Variants in CSNK1A1 observed in about 807,000 individuals in gnomAD.
CSNK1A1 encodes the protein casein kinase I isoform alpha.
Under a neutral mutation model 46.1 loss-of-function variants are expected in CSNK1A1, and 7 were observed. The ratio of observed to expected loss-of-function variants is 0.15; its 90% CI spans 0.09 to 0.29. The LOEUF (loss-of-function observed/expected upper bound fraction) is 0.29. CSNK1A1 is among the 10% of genes least tolerant of loss of function. CSNK1A1 has a pLI of 1.00. For synonymous variants in CSNK1A1, 137 were observed against 141.5 expected (o/e 0.97, Z 0.23); for missense variants, 96 against 417.1 (o/e 0.23, Z 6.71).
chr5:149,547,292 A>C (rs564885212), intron 2 of CSNK1A1, among the ~76,000 whole-genome samples: 3 of 152,310 alleles, frequency 2.0e-5, no homozygotes, highest in African/African-American at 7.2e-5. Context: ...TATAATAGGC[A>C]CCTATTACTA....
chr5:149,500,470 G>C (rs1352594059), intron 9 of CSNK1A1, among the ~76,000 whole-genome samples: 1 of 151,436 alleles, frequency 6.6e-6, no homozygotes, highest in African/African-American at 2.4e-5. Flanking sequence ...GTAAAGACAG[G>C]GTTTCACTGT....
At chr5:149,548,644 T>C (rs893461730) in intron 2 of CSNK1A1, among the ~76,000 whole-genome samples, 5 of 152,148 alleles carry the variant, frequency 3.3e-5, no homozygotes, top group South Asian at 2.1e-4. Context: ...GCAGATCACC[T>C]GAGGTCAGGA....
chr5:149,516,949 C>A (rs2113104843), intron 4 of CSNK1A1, among the ~76,000 whole-genome samples: 1 of 152,260 alleles, frequency 6.6e-6, no homozygotes, highest in Non-Finnish European at 1.5e-5. Context: ...ACTTCCTCTT[C>A]ACTGTATACT....
At chr5:149,516,643 A>T (rs1392134792) in intron 4 of CSNK1A1, among the ~76,000 whole-genome samples, 1 of 152,170 alleles carries the variant, frequency 6.6e-6, no homozygotes, top group Admixed American at 6.5e-5. Flanking sequence ...AAAATATGTG[A>T]ATGGGTAAGT....
In CSNK1A1 at chr5:149,550,854, G is replaced by A. The variant is rs2113216425; in HGVS notation, c.111C>T (p.Ile37=). The stretch of plus-strand genomic sequence containing the variant: ...CCCAGATGATTACCTCGCCGTTGGT[G>A]ATGTTGATCGCCAAATAGATGTCCC... ...SFGDIYLAIN[I]TNGEEVAVKL... is the part of the protein sequence containing the mutation. Residue 37 remains isoleucine, a synonymous_variant, in exon 1 of 10, where the codon ATC becomes ATT. Transcript: ENST00000377843. The surrounding 1 kb of genome is among the most constrained non-coding windows in gnomAD (Gnocchi z 4.3). The A allele has an allele frequency of 6.2e-7, 1 of 1,614,072 alleles. No homozygotes were observed. The highest frequency in any genetic ancestry group is 8.5e-7 in the Non-Finnish European group (1 of 1,179,958).
chr5:149,549,600 T>C (rs1405574480), intron 2 of CSNK1A1: 4 of 674,880 alleles, frequency 5.9e-6, no homozygotes, highest in African/African-American at 5.3e-5. Flanking sequence ...CGTTCCGCCA[T>C]TTTCTAAGCG....
chr5:149,511,573 T>A (rs781162066), intron 6 of CSNK1A1, among the ~76,000 whole-genome samples: 2 of 152,210 alleles, frequency 1.3e-5, no homozygotes, highest in Non-Finnish European at 2.9e-5. Flanking sequence ...GGTACCAGCT[T>A]ACTGTCTCTT....
chr5:149,545,259 T>C (rs1008237106), intron 2 of CSNK1A1: 1 of 215,308 alleles, frequency 4.6e-6, no homozygotes, highest in Non-Finnish European at 9.1e-6. Flanking sequence ...ATTTTCTTTC[T>C]TTTTTTTTCC....
chr5:149,534,413 G>A (rs1156795837), intron 2 of CSNK1A1, among the ~76,000 whole-genome samples: 1 of 149,190 alleles, frequency 6.7e-6, no homozygotes, highest in African/African-American at 2.5e-5. Context: ...GAACCCGGGA[G>A]GCGGGGGTTG....
intron 6 of CSNK1A1, among the ~76,000 whole-genome samples, chr5:149,510,657 A>T (rs1380328886): frequency 2.0e-5 from 3 of 150,076 alleles, no homozygotes; most frequent in African/African-American, 4.9e-5. Context: ...TTTTTTTTTT[A>T]AAGTAGAGGT....
At chr5:149,530,260 T>C (rs1191148130) in intron 2 of CSNK1A1, among the ~76,000 whole-genome samples, 1 of 152,198 alleles carries the variant, frequency 6.6e-6, no homozygotes, top group Non-Finnish European at 1.5e-5. Flanking sequence ...TGTAACAGTG[T>C]AGGGAGTGCT....
At chr5:149,523,045 C>CTTTT (rs35068425) in intron 3 of CSNK1A1, among the ~76,000 whole-genome samples, 7 of 145,584 alleles carry the variant, frequency 4.8e-5, no homozygotes, top group African/African-American at 1.8e-4. Flanking sequence ...ATATTAAAGG[C>CTTTT]TTTTTTTTTT....
At position 149,550,944 on chromosome 5, in the gene CSNK1A1, G is replaced by A; in HGVS notation, c.21C>T (p.Ser7=). 7 of 1,614,186 alleles carry A rather than the reference G, an allele frequency of 4.3e-6. No homozygotes were observed. Among genetic ancestry groups the A allele is most frequent in the Non-Finnish European group, 5.9e-6 (7 of 1,180,030 alleles). Residue 7 remains serine (S), a synonymous_variant, in exon 1 of 10, where the codon TCC becomes TCT. Coordinates refer to ENST00000377843, the MANE Select transcript of CSNK1A1 (RefSeq NM_001892.6). The surrounding 1 kb of genome is among the most constrained non-coding windows in gnomAD (Gnocchi z 4.3). MASSSG[S]KAEFIVGGKY... ...TCCCTCCGACAATGAATTCAGCCTT[G>A]GAGCCGCTGCTACTCGCCATCCTGA...
chr5:149,550,216 C>T lies in CSNK1A1; in HGVS notation c.124-35G>A, dbSNP rs749973923. 6 of 1,608,034 alleles carry T rather than the reference C, an allele frequency of 3.7e-6. No individual in the cohort carries two copies. The East Asian group carries it at 1.1e-4, about 30-fold the overall frequency. On this transcript the variant is annotated intron_variant, in intron 1 of 9. Transcript: ENST00000377843. The surrounding 1 kb of genome is among the most constrained non-coding windows in gnomAD (Gnocchi z 4.3). The stretch of plus-strand genomic sequence containing the variant: ...AAAGAGGGGATGATGGCATCAACAT[C>T]CCTACGGATTCAATGTCACTTAGGA...
chr5:149,520,244 C>A, intron 4 of CSNK1A1, 46 bp downstream of exon 4: 1 of 1,234,892 alleles, frequency 8.1e-7, no homozygotes, highest in South Asian at 1.4e-5. Flanking sequence ...CAATTCTTGT[C>A]GAAACTTTAC....
intron 9 of CSNK1A1, chr5:149,502,535 T>TGGGGGGGG (rs1760902546): frequency 6.0e-4 from 21 of 34,870 alleles, no homozygotes; most frequent in East Asian, 3.3e-3. Flanking sequence ...GGGGGGGGGT[T>TGGGGGGGG]GGGGACGATG....
chr5:149,534,601 T>C (rs1762005147), intron 2 of CSNK1A1, among the ~76,000 whole-genome samples: 1 of 151,792 alleles, frequency 6.6e-6, no homozygotes, highest in Non-Finnish European at 1.5e-5. Context: ...TAGTTCCAGT[T>C]ACCCCTCTAT....
chr5:149,545,685 T>C, intron 2 of CSNK1A1: 4 of 792,118 alleles, frequency 5.0e-6, no homozygotes. Context: ...GCATCTTCTT[T>C]AGGCCCTTCT....
Position 149,495,332 on chromosome 5 carries a change from G to A in CSNK1A1, c.*1521C>T, listed in dbSNP as rs1473311439. On this transcript the variant is annotated 3_prime_UTR_variant, in exon 10 of 10. Transcript: ENST00000377843. ...ACCTACATTTACACAATAGGCTCCC[G>A]GCAGCATTTCCAGACAAATGTTCTT... 6 of 152,020 alleles carry A rather than the reference G, an allele frequency of 3.9e-5. No individual in the cohort carries two copies. The South Asian group carries it at 6.2e-4, about 16-fold the overall frequency. The allele number at this position is 152,020 out of a possible 1,614,324, so 9.4% of individuals were successfully genotyped here.
Sources: allele counts gnomAD v4.1 joint callset (sites outside exome capture counted in the v4.1 genomes callset), GRCh38; gene constraint gnomAD v4.1.1; non-coding constraint Gnocchi (gnomAD v3.1); transcripts MANE v1.5; gene names NCBI Gene and HGNC (gene_info 2026-07-23, HGNC 2026-07-21).